Variants in PARP1 observed in about 807,000 individuals in gnomAD.
PARP1 encodes poly(ADP-ribose) polymerase 1.
A neutral mutation model predicts 118.7 loss-of-function variants in PARP1; 44 were observed. That is an observed-to-expected ratio of 0.37 (90% confidence interval 0.29 to 0.48). The LOEUF (loss-of-function observed/expected upper bound fraction) is 0.48. Among genes scored for constraint, PARP1 ranks in the 20% least tolerant of loss-of-function variants. PARP1 has a pLI of 0.99. For missense variants in PARP1, 1,100 were observed against 1,272.4 expected, an observed-to-expected ratio of 0.86 and a Z score of 2.06; for synonymous variants, 492 against 483.2, an observed-to-expected ratio of 1.02 and a Z score of -0.24.
chr1:226,405,933 T>G (rs115289291), intron 1 of PARP1, among the ~76,000 whole-genome samples: 1 of 152,032 alleles, frequency 6.6e-6, no homozygotes, highest in Non-Finnish European at 1.5e-5. Context: ...CTGGGCAACA[T>G]AGTGAGACCC....
At chr1:226,401,962 A>G in intron 2 of PARP1, 1 of 1,442,984 alleles carries the variant, frequency 6.9e-7, no homozygotes, top group Non-Finnish European at 9.1e-7. Context: ...GAACAAAAAT[A>G]AAGTATATTA....
intron 13 of PARP1, 21 bp downstream of exon 13, chr1:226,377,087 G>A (rs767790550): frequency 1.2e-6 from 2 of 1,600,212 alleles, no homozygotes; most frequent in Non-Finnish European, 1.7e-6. Flanking sequence ...AGCAGACAGT[G>A]TAAGGGCATT....
At chr1:226,383,394 T>C (rs746249738) in intron 7 of PARP1, among the ~76,000 whole-genome samples, 1 of 152,228 alleles carries the variant, frequency 6.6e-6, no homozygotes, top group South Asian at 2.1e-4. Flanking sequence ...TTTACATTTA[T>C]AATAGGGCTA....
intron 2 of PARP1, among the ~76,000 whole-genome samples, chr1:226,395,360 A>G (rs910586903): frequency 2.0e-5 from 3 of 152,216 alleles, no homozygotes; most frequent in African/African-American, 7.2e-5. Flanking sequence ...AATATTCATT[A>G]TCATTATTAT....
rs536184757 is a variant in PARP1 at position 226,374,449 on chromosome 1, G to A, written c.1942-95C>T. 4.4e-5 allele frequency: 64 copies of A among 1,457,338 alleles called. 1 individual carries two copies. Among genetic ancestry groups the A allele is most frequent in the Admixed American group, 2.4e-4 (14 of 57,902 alleles). 90.3% of individuals were successfully genotyped at this position (1,457,338 alleles called of 1,614,324 possible). A position where few individuals can be genotyped will look rare whatever the true frequency, so the allele number is the denominator to read the frequency against. On this transcript the variant is annotated intron_variant, in intron 13 of 22. Coordinates refer to ENST00000366794, the MANE Select transcript of PARP1 (RefSeq NM_001618.4). ...GCTGGACTGCAGACAAAGGACACAG[G>A]CTAGAGTGCCACCAGCAAAAAAAGC...
chr1:226,390,546 C>A lies in PARP1; in HGVS notation c.481G>T (p.Gly161Cys). The stretch of plus-strand genomic sequence containing the variant: ...TCCTCCCTGTTCTTGACAAAGCAGC[C>A]TGGATGGTACCAGCGGTCAATCATG... ...LGMIDRWYHPGCFVKNREELG... is the reference protein window; with the variant it reads ...LGMIDRWYHPCCFVKNREELG... Residue 161 changes from glycine to cysteine, a missense_variant, in exon 4 of 23, where the codon GGC becomes TGC. Gly to Cys is a radical substitution (Grantham distance 159, BLOSUM62 -3). Coordinates refer to ENST00000366794, the MANE Select transcript of PARP1 (RefSeq NM_001618.4). 1 of 1,614,248 alleles carries A rather than the reference C, an allele frequency of 6.2e-7. No individual in the cohort carries two copies. The highest frequency in any genetic ancestry group is 2.2e-5 in the East Asian group (1 of 44,888).
intron 1 of PARP1, among the ~76,000 whole-genome samples, chr1:226,407,558 T>C (rs1305034103): frequency 1.3e-5 from 2 of 151,902 alleles, no homozygotes; most frequent in African/African-American, 4.8e-5. Flanking sequence ...GGCTCCTCGT[T>C]TTCACAAAGC....
rs1176198080 is a variant in PARP1 at position 226,402,306 on chromosome 1, CG to C, written c.193del (p.Arg65GlyfsTer30). ...CCCATCCACCTCAACGTCAGGGTGC[CG>C]GATGGAGTGGCCCACCTTCCAGAAG... ...SCFWKVGHSI[R>X]HPDVEVDGFS... is the part of the protein sequence containing the mutation. On this transcript the variant is annotated frameshift_variant, in exon 2 of 23. Transcript: ENST00000366794. LOFTEE classifies it high-confidence loss of function. 1.9e-6 allele frequency: 3 copies of C among 1,613,934 alleles called. No homozygotes were observed. The Admixed American group carries it at 5.0e-5, about 27-fold the overall frequency.
At chr1:226,392,806 AG>A in intron 2 of PARP1, 1 of 796,574 alleles carries the variant, frequency 1.3e-6, no homozygotes, top group Non-Finnish European at 1.9e-6. Flanking sequence ...TAGTGGGAAA[AG>A]GTTGAATTAT....
intron 19 of PARP1, 100 bp from the exon 20 acceptor site, chr1:226,364,170 T>C (rs1576389894): frequency 8.8e-7 from 1 of 1,135,378 alleles, no homozygotes; most frequent in Non-Finnish European, 1.3e-6. Flanking sequence ...AGCTAAGTGC[T>C]GCAATCCATC....
At chr1:226,373,476 T>A (rs1312841228) in intron 14 of PARP1, among the ~76,000 whole-genome samples, 1 of 152,176 alleles carries the variant, frequency 6.6e-6, no homozygotes, top group Non-Finnish European at 1.5e-5. Flanking sequence ...AGAGCTCTGA[T>A]GCTAGGAGCA....
At chr1:226,392,824 A>C in intron 2 of PARP1, 3 of 987,470 alleles carry the variant, frequency 3.0e-6, no homozygotes, top group Non-Finnish European at 4.4e-6. Flanking sequence ...TTATTCAATA[A>C]AGAGTTCTGG....
chr1:226,386,133 C>T (rs1278040778), intron 6 of PARP1, among the ~76,000 whole-genome samples, 193 bp downstream of exon 6: 1 of 152,226 alleles, frequency 6.6e-6, no homozygotes, highest in Admixed American at 6.5e-5. Flanking sequence ...TGAATGCCGG[C>T]CCCATCCACC....
Position 226,365,027 on chromosome 1 carries a change from C to T in PARP1, c.2633G>A (p.Arg878Gln). Residue 878 changes from arginine to glutamine, a missense_variant, in exon 19 of 23, where the codon CGG (arginine) becomes CAG (glutamine). Arg to Gln is a conservative substitution (Grantham distance 43). Around this residue, in one of 2 missense-constraint regions of PARP1, gnomAD observed 152 missense variants for 240.6 expected, o/e 0.63. Transcript: ENST00000366794. ...NFAGILSQGLRIAPPEAPVTG... is the reference protein window; with the variant it reads ...NFAGILSQGLQIAPPEAPVTG... ...CACGGGCGCTTCAGGCGGGGCTATC[C>T]GAAGACCCTGGGACAGGATCCCAGC... 1.2e-6 allele frequency: 2 copies of T among 1,614,142 alleles called. No individual in the cohort carries two copies. Among genetic ancestry groups the T allele is most frequent in the Non-Finnish European group, 1.7e-6 (2 of 1,180,046 alleles).
At chr1:226,391,447 A>C (rs1664818159) in intron 3 of PARP1, among the ~76,000 whole-genome samples, 1 of 152,184 alleles carries the variant, frequency 6.6e-6, no homozygotes, top group Non-Finnish European at 1.5e-5. Flanking sequence ...CAGAGAATGC[A>C]GCAGGAGGGG....
intron 2 of PARP1, among the ~76,000 whole-genome samples, chr1:226,400,963 T>C (rs1665024421): frequency 6.6e-6 from 1 of 152,230 alleles, no homozygotes; most frequent in Admixed American, 6.5e-5. Flanking sequence ...CGTATGGCAC[T>C]GTGCTTGCCC....
intron 2 of PARP1, 40 bp from the exon 3 acceptor site, chr1:226,392,354 C>G: frequency 1.4e-6 from 2 of 1,447,846 alleles, no homozygotes; most frequent in Non-Finnish European, 1.9e-6. Context: ...TCTCAACAGC[C>G]CCAAAATGCA....
chr1:226,368,305 C>T lies in PARP1; in HGVS notation c.2171G>A (p.Ser724Asn), dbSNP rs1356168281. 1.2e-6 allele frequency: 2 copies of T among 1,614,196 alleles called. No homozygotes were observed. The highest frequency in any genetic ancestry group is 1.7e-6 in the Non-Finnish European group (2 of 1,180,032). The change falls in exon 16 of 23, where the codon AGC becomes AAC. Residue 724 changes from serine to asparagine, a missense_variant. Physicochemically the swap from Ser to Asn is conservative, Grantham distance 46 (BLOSUM62 1). Around this residue, in one of 2 missense-constraint regions of PARP1, gnomAD observed 948 missense variants for 1,031.8 expected, o/e 0.92. Transcript: ENST00000366794. ...GAGATCCAGGATCTGAGAGTCGCTG[C>T]TGCCCTGAGACACCGCCTGGAGAGG... ...SEVQQAVSQGSSDSQILDLSN... is the reference protein window; with the variant it reads ...SEVQQAVSQGNSDSQILDLSN...
intron 3 of PARP1, among the ~76,000 whole-genome samples, chr1:226,391,024 C>T (rs1664812088): frequency 1.5e-5 from 2 of 134,992 alleles, no homozygotes; most frequent in Admixed American, 7.9e-5. Flanking sequence ...TTTTTTGAGA[C>T]AGGGTCTTGC....
Sources: allele counts gnomAD v4.1 joint callset (sites outside exome capture counted in the v4.1 genomes callset), GRCh38; gene constraint gnomAD v4.1.1; regional missense constraint gnomAD v4.1.1; transcripts MANE v1.5; gene names NCBI Gene and HGNC (gene_info 2026-07-23, HGNC 2026-07-21).